Variants in ARFGEF3 observed in about 807,000 individuals in gnomAD.
ARFGEF3 encodes the protein ARFGEF family member 3.
Under a neutral mutation model 221.7 loss-of-function variants are expected in ARFGEF3, and 96 were observed. The observed-to-expected ratio is 0.43, with a 90% CI of 0.37 to 0.51. The LOEUF is 0.51. Among genes scored for constraint, ARFGEF3 ranks in the 20% least tolerant of loss-of-function variants. The pLI is 0.00. For missense variants in ARFGEF3, 2,410 were observed against 2,789.9 expected (o/e 0.86, Z 3.07); for synonymous variants, 1,145 against 1,126.8 (o/e 1.02, Z -0.32).
intron 9 of ARFGEF3, among the ~76,000 whole-genome samples, chr6:138,254,966 G>A (rs1009165822): frequency 1.3e-5 from 2 of 152,178 alleles, no homozygotes; most frequent in African/African-American, 4.8e-5. Flanking sequence ...ATCTCAACAC[G>A]AATACCAGTC....
chr6:138,170,606 A>G (rs1776808892), intron 1 of ARFGEF3, 56 bp from the exon 2 acceptor site: 5 of 915,156 alleles, frequency 5.5e-6, no homozygotes, highest in South Asian at 2.8e-5. Flanking sequence ...TTCATGTACA[A>G]TGTATATTCT....
chr6:138,277,904 C>T (rs1779126066), intron 12 of ARFGEF3, among the ~76,000 whole-genome samples: 1 of 152,156 alleles, frequency 6.6e-6, no homozygotes, highest in South Asian at 2.1e-4. Flanking sequence ...GTCTCTCTGT[C>T]ACTTGAGCAG....
In ARFGEF3 at chr6:138,291,649, T is replaced by C; in HGVS notation, c.3048-84T>C. ...GGGGAGCTTGCAGAGCTGGCTGCATTTCCTTTGTCTGGCACTGTGGGGTTT... is the reference window on the plus strand; with the variant it reads ...GGGGAGCTTGCAGAGCTGGCTGCATCTCCTTTGTCTGGCACTGTGGGGTTT... On this transcript the variant is annotated intron_variant, in intron 18 of 33. Coordinates refer to ENST00000251691, the MANE Select transcript of ARFGEF3 (RefSeq NM_020340.5). The surrounding 1 kb of genome is among the most constrained non-coding windows in gnomAD (Gnocchi z 4.5). The C allele has an allele frequency of 2.0e-6, 2 of 1,012,208 alleles. No individual in the cohort carries two copies. The highest frequency in any genetic ancestry group is 8.6e-5 in the South Asian group (2 of 23,266). 62.7% of individuals were successfully genotyped at this position (1,012,208 alleles called of 1,614,324 possible).
intron 7 of ARFGEF3, among the ~76,000 whole-genome samples, 152 bp downstream of exon 7, chr6:138,243,146 T>C (rs987292422): frequency 2.6e-5 from 4 of 152,180 alleles, no homozygotes; most frequent in African/African-American, 9.7e-5. Context: ...TTAGGTGGCA[T>C]TATTTAATCA....
chr6:138,320,382 TAAAGGCTGTG>T (rs1780002788), intron 28 of ARFGEF3, among the ~76,000 whole-genome samples: 1 of 152,150 alleles, frequency 6.6e-6, no homozygotes, highest in Non-Finnish European at 1.5e-5. Flanking sequence ...TGGCACTTTG[TAAAGGCTGTG>T]AAAGTGTGGG....
intron 22 of ARFGEF3, among the ~76,000 whole-genome samples, chr6:138,302,019 G>T (rs945685184): frequency 4.6e-5 from 7 of 152,044 alleles, no homozygotes; most frequent in African/African-American, 1.7e-4. Context: ...AAATAAATTA[G>T]AATCCAGCAC....
chr6:138,168,603 A>G (rs531566705), intron 1 of ARFGEF3, among the ~76,000 whole-genome samples: 1 of 152,224 alleles, frequency 6.6e-6, no homozygotes, highest in Non-Finnish European at 1.5e-5. Context: ...CCTAGAACAG[A>G]GGCTGGTACA....
At chr6:138,232,642 C>CT (rs556368435) in intron 5 of ARFGEF3, among the ~76,000 whole-genome samples, 156 of 152,242 alleles carry the variant, frequency 1.0e-3, no homozygotes, top group Non-Finnish European at 1.9e-3. Flanking sequence ...GTTTTTTCCT[C>CT]TAAGGTTCAT....
chr6:138,254,226 G>A lies in ARFGEF3; in HGVS notation c.770+242G>A, dbSNP rs868327208. ...GAGGCCAGGAGCTCGAGACCAGCCT[G>A]GGCAACATGATGAAACCTCGTCTCT... On this transcript the variant is annotated intron_variant, in intron 9 of 33. Coordinates refer to ENST00000251691, the MANE Select transcript of ARFGEF3 (RefSeq NM_020340.5). 3.3e-5 allele frequency among the ~76,000 whole-genome samples: 5 copies of A among 151,996 alleles called. No homozygotes were observed. The South Asian group carries it at 1.0e-3, about 32-fold the overall frequency.
rs1474422315 is a variant in ARFGEF3, at chr6:138,278,459, C to T, written c.2137C>T (p.His713Tyr). ...FASTFCSGMM[H>Y]SPGFDGNSSL... ...TTCATTGTCTCCCTTAGGCATGATGCACTCTCCTGGCTTTGACGGGAATAG... is the reference window on the plus strand; with the variant it reads ...TTCATTGTCTCCCTTAGGCATGATGTACTCTCCTGGCTTTGACGGGAATAG... The change falls in exon 13 of 34, where the codon CAC becomes TAC. Residue 713 changes from histidine (H) to tyrosine (Y), a missense_variant. Physicochemically the swap from His to Tyr is moderately conservative, Grantham distance 83. Coordinates refer to ENST00000251691, the MANE Select transcript of ARFGEF3 (RefSeq NM_020340.5). The T allele has an allele frequency of 1.9e-6, 3 of 1,613,784 alleles. No homozygotes were observed. The highest frequency in any genetic ancestry group is 2.5e-6 in the Non-Finnish European group (3 of 1,179,828).
intron 6 of ARFGEF3, among the ~76,000 whole-genome samples, chr6:138,240,276 A>G (rs1778370313): frequency 1.3e-5 from 2 of 152,220 alleles, no homozygotes; most frequent in Non-Finnish European, 2.9e-5. Flanking sequence ...CTTATAATAT[A>G]CACTCATATT....
intron 26 of ARFGEF3, among the ~76,000 whole-genome samples, chr6:138,316,994 A>G (rs191484740): frequency 6.6e-6 from 1 of 152,376 alleles, no homozygotes; most frequent in East Asian, 1.9e-4. Flanking sequence ...TCAAGATGGT[A>G]GAATTTCCTT....
At chr6:138,212,462 A>G (rs899191792) in intron 4 of ARFGEF3, among the ~76,000 whole-genome samples, 1 of 152,228 alleles carries the variant, frequency 6.6e-6, no homozygotes, top group African/African-American at 2.4e-5. Context: ...CAGTGTGGCA[A>G]TTCCTCAAGG....
intron 12 of ARFGEF3, among the ~76,000 whole-genome samples, chr6:138,265,191 CTG>C: frequency 6.6e-6 from 1 of 152,196 alleles, no homozygotes; most frequent in Non-Finnish European, 1.5e-5. Flanking sequence ...GCATGAGCCA[CTG>C]CGCCCGGCTG....
At chr6:138,263,970 A>G (rs1778838015) in intron 12 of ARFGEF3, among the ~76,000 whole-genome samples, 1 of 152,274 alleles carries the variant, frequency 6.6e-6, no homozygotes, top group Non-Finnish European at 1.5e-5. Context: ...TCTAAAATTC[A>G]TAGAGCAATG....
chr6:138,336,735 G>C lies in ARFGEF3; in HGVS notation c.*249G>C, dbSNP rs561298580. 7.4e-5 allele frequency: 23 copies of C among 311,842 alleles called. No individual in the cohort carries two copies. The highest frequency in any genetic ancestry group is 4.9e-4 in the African/African-American group (23 of 46,564). The allele number at this position is 311,842 out of a possible 1,614,324, so 19.3% of individuals were successfully genotyped here. On this transcript the variant is annotated 3_prime_UTR_variant, in exon 34 of 34. Coordinates refer to ENST00000251691, the MANE Select transcript of ARFGEF3 (RefSeq NM_020340.5). Reference sequence around the variant, plus strand: ...TATTATAGAAGAATCTATAATCCTTGATATGTTTCTAACTCTTGAAGTATA... The same window carrying C: ...TATTATAGAAGAATCTATAATCCTTCATATGTTTCTAACTCTTGAAGTATA...
At chr6:138,224,343 A>G (rs1038451520) in intron 4 of ARFGEF3, among the ~76,000 whole-genome samples, 9 of 152,160 alleles carry the variant, frequency 5.9e-5, no homozygotes, top group African/African-American at 2.2e-4. Flanking sequence ...AGATTAGTGT[A>G]ATTTGGTAAT....
rs181248658 is a variant in ARFGEF3, at chr6:138,296,181, C to T, written c.3503-629C>T. On this transcript the variant is annotated intron_variant, in intron 20 of 33. Transcript: ENST00000251691. ...AGGCAAGGATGGTACTAAAACAAGA[C>T]AGAGAAGGCCAGACAGCATGTTACT... is the stretch of plus-strand genomic sequence containing the variant. 9.2e-5 allele frequency among the ~76,000 whole-genome samples: 14 copies of T among 152,210 alleles called. No homozygotes were observed. In the East Asian group the frequency reaches 2.3e-3, roughly 25 times the overall value.
At position 138,343,057 on chromosome 6, in the gene ARFGEF3, G is replaced by C. The variant is rs1174609152; in HGVS notation, c.*6571G>C. ...GGGAAAAATATAAAAGTGAATCAGT[G>C]TGCTTTGGGAATTCAGTGAAATCAT... On this transcript the variant is annotated 3_prime_UTR_variant, in exon 34 of 34. Transcript: ENST00000251691. 1 of 152,140 alleles carries C rather than the reference G, an allele frequency of 6.6e-6. No individual in the cohort carries two copies. The highest frequency in any genetic ancestry group is 1.9e-4 in the East Asian group (1 of 5,202). The allele number at this position is 152,140 out of a possible 1,614,324, so 9.4% of individuals were successfully genotyped here.
Sources: gnomAD v4.1 joint callset for allele counts (sites outside exome capture counted in the v4.1 genomes callset) on GRCh38, gnomAD v4.1.1 for gene constraint, Gnocchi (gnomAD v3.1) non-coding constraint, MANE v1.5 for transcripts, NCBI Gene and HGNC (gene_info 2026-07-23, HGNC 2026-07-21) for gene names.